Variants in PDE4D observed in about 807,000 individuals in gnomAD.
The protein encoded by PDE4D is 3',5'-cyclic-AMP phosphodiesterase 4D.
PDE4D carries 24 observed loss-of-function variants against 87.4 expected under a neutral mutation model. That is an observed-to-expected ratio of 0.27 (90% CI 0.20 to 0.39). PDE4D has a LOEUF of 0.39. PDE4D is among the 10% of genes least tolerant of loss of function. The probability of loss-of-function intolerance (pLI) is 1.00; values close to 1 mark genes in which losing one functional copy is unlikely to be tolerated. For missense variants in PDE4D, 714 were observed against 1,041.0 expected, an observed-to-expected ratio of 0.69 and a Z score of 4.32; for synonymous variants, 384 against 383.2, an observed-to-expected ratio of 1.00 and a Z score of -0.02.
At chr5:59,110,144 G>T (rs1169655581) in intron 5 of PDE4D, among the ~76,000 whole-genome samples, 1 of 152,202 alleles carries the variant, frequency 6.6e-6, no homozygotes. Flanking sequence ...GGGAGAATGC[G>T]TATGTTGGCA....
At chr5:59,353,270 T>C (rs1249449964) in intron 1 of PDE4D, among the ~76,000 whole-genome samples, 1 of 152,152 alleles carries the variant, frequency 6.6e-6, no homozygotes, top group Non-Finnish European at 1.5e-5. Context: ...CAAAATTCCC[T>C]AGTGTTCTCT....
intron 1 of PDE4D, among the ~76,000 whole-genome samples, chr5:59,382,390 C>CA (rs898256746): frequency 6.6e-6 from 1 of 151,632 alleles, no homozygotes; most frequent in African/African-American, 2.4e-5. Context: ...ATTCCACAAG[C>CA]AAAAAAAATT....
At chr5:60,435,364 T>C (rs11745404) in intron 1 of PDE4D, among the ~76,000 whole-genome samples, 2 of 152,132 alleles carry the variant, frequency 1.3e-5, no homozygotes, top group South Asian at 4.1e-4. Flanking sequence ...ACTTAACATA[T>C]AACTTAAATG....
chr5:60,490,905 TG>T (rs1749496996), upstream of PDE4D: 1 of 152,214 alleles, frequency 6.6e-6, no homozygotes, highest in Non-Finnish European at 1.5e-5. Context: ...TGTCTGGCCT[TG>T]CCATTTACGT....
intron 1 of PDE4D, among the ~76,000 whole-genome samples, chr5:60,400,521 CAAA>C (rs56750243): frequency 1.6e-5 from 1 of 62,354 alleles, no homozygotes; most frequent in African/African-American, 8.8e-5. Context: ...GACTCCATCT[CAAA>C]AAAAAAAAAA....
chr5:59,471,890 C>T (rs1471375371), intron 1 of PDE4D, among the ~76,000 whole-genome samples: 2 of 152,136 alleles, frequency 1.3e-5, no homozygotes, highest in African/African-American at 4.8e-5. Context: ...TAAGAGAACT[C>T]ATTTACAGTA....
chr5:59,218,705 G>A (rs554738753), intron 1 of PDE4D, among the ~76,000 whole-genome samples: 39 of 152,084 alleles, frequency 2.6e-4, no homozygotes, highest in African/African-American at 9.2e-4. Flanking sequence ...AGGAACTCAT[G>A]AAAATAACCC....
In PDE4D at chr5:58,985,675, G is replaced by C. The variant is rs981924265; in HGVS notation, c.1552+2818C>G. Among the ~76,000 whole-genome samples, 3 of 152,206 alleles carry C rather than the reference G, an allele frequency of 2.0e-5. No individual in the cohort carries two copies. In the East Asian group the frequency reaches 5.8e-4, roughly 29 times the overall value. On this transcript the variant is annotated intron_variant, in intron 11 of 14. Transcript: ENST00000340635. ...TGGATTCAGCTGCAGGCTTTGGACA[G>C]GATGGCAGCTCCAGCTCTGAGGCAA...
chr5:59,966,160 C>T lies in PDE4D; in HGVS notation c.272+22328G>A, dbSNP rs546511731. On this transcript the variant is annotated intron_variant, in intron 3 of 16. Coordinates refer to the PDE4D transcript ENST00000502484. ...AAAGTTAGTTTACAAAGGCAATTAT[C>T]GCCAACAGTAAAGATTAAAGAACAG... Among the ~76,000 whole-genome samples the T allele has an allele frequency of 1.4e-4, 21 of 152,202 alleles. No individual in the cohort carries two copies. The South Asian group carries it at 2.5e-3, about 18-fold the overall frequency.
intron 1 of PDE4D, chr5:59,768,513 C>G (rs756317066): frequency 2.5e-6 from 4 of 1,597,990 alleles, no homozygotes; most frequent in Non-Finnish European, 3.4e-6. Context: ...GAGCCATTTT[C>G]CTGGTCAACT....
chr5:60,078,212 G>A (rs1321673074), intron 2 of PDE4D, among the ~76,000 whole-genome samples: 2 of 152,114 alleles, frequency 1.3e-5, no homozygotes, highest in African/African-American at 2.4e-5. Context: ...GTGTGTTTTA[G>A]GTTCTGTGGA....
intron 1 of PDE4D, among the ~76,000 whole-genome samples, chr5:59,245,050 AACT>A (rs1332865986): frequency 2.6e-5 from 4 of 152,064 alleles, no homozygotes; most frequent in African/African-American, 9.7e-5. Flanking sequence ...TTCAATAGGA[AACT>A]ACTTTTAGAA....
chr5:59,981,018 G>A (rs1020956094), intron 3 of PDE4D, among the ~76,000 whole-genome samples: 6 of 152,150 alleles, frequency 3.9e-5, no homozygotes, highest in African/African-American at 1.4e-4. Flanking sequence ...TTGGGAGGCT[G>A]AGGCAGGAAG....
At chr5:60,078,477 G>A (rs368758157) in intron 2 of PDE4D, among the ~76,000 whole-genome samples, 7 of 151,926 alleles carry the variant, frequency 4.6e-5, no homozygotes, top group African/African-American at 1.7e-4. Flanking sequence ...TTGTTACATA[G>A]GTATATGTGT....
intron 5 of PDE4D, among the ~76,000 whole-genome samples, chr5:59,087,422 G>C (rs1222166064): frequency 1.3e-5 from 2 of 152,006 alleles, no homozygotes; most frequent in African/African-American, 4.8e-5. Context: ...GGAGGTCAAG[G>C]CTGCAATGAG....
intron 5 of PDE4D, among the ~76,000 whole-genome samples, chr5:59,096,414 G>A (rs1469943153): frequency 2.6e-5 from 4 of 152,168 alleles, no homozygotes; most frequent in African/African-American, 4.8e-5. Context: ...TGGTTGTTAT[G>A]AAGGTCCAGC....
chr5:59,221,588 C>T (rs1752583806), intron 1 of PDE4D, among the ~76,000 whole-genome samples: 2 of 152,036 alleles, frequency 1.3e-5, no homozygotes, highest in African/African-American at 2.4e-5. Context: ...GCCATGATTA[C>T]GTCACTGCAC....
At chr5:58,982,475 C>A (rs1745426022) in intron 11 of PDE4D, among the ~76,000 whole-genome samples, 5 of 152,200 alleles carry the variant, frequency 3.3e-5, no homozygotes. Context: ...AGAGGCAATG[C>A]TGTATGGAAT....
At chr5:60,449,801 G>T (rs1015985981) in intron 1 of PDE4D, among the ~76,000 whole-genome samples, 1 of 149,174 alleles carries the variant, frequency 6.7e-6, no homozygotes, top group Non-Finnish European at 1.5e-5. Context: ...ACCCAGTGAC[G>T]GGATGGCTGC....
Sources: allele counts gnomAD v4.1 joint callset (sites outside exome capture counted in the v4.1 genomes callset), GRCh38; gene constraint gnomAD v4.1.1; transcripts MANE v1.5; gene names NCBI Gene and HGNC (gene_info 2026-07-23, HGNC 2026-07-21).